TSHZ1: variants seen among roughly 807,000 people sequenced by gnomAD.
TSHZ1 encodes teashirt zinc finger homeobox 1, also known as teashirt homolog 1.
TSHZ1 carries 12 observed loss-of-function variants against 67.1 expected under a neutral mutation model. The ratio of observed to expected loss-of-function variants is 0.18; its 90% CI spans 0.11 to 0.29. The LOEUF (loss-of-function observed/expected upper bound fraction) is 0.29. Ranked by LOEUF, TSHZ1 falls within the 10% of genes least tolerant of loss-of-function variation. TSHZ1 has a pLI of 1.00. For synonymous variants in TSHZ1, 632 were observed against 622.4 expected (o/e 1.02, Z -0.23); for missense variants, 1,305 against 1,413.9 (o/e 0.92, Z 1.23).
chr18:75,270,474 T>C (rs2023543982), intron 1 of TSHZ1, among the ~76,000 whole-genome samples: 1 of 152,220 alleles, frequency 6.6e-6, no homozygotes, highest in Admixed American at 6.5e-5. Flanking sequence ...GAACAAATAA[T>C]TTTTTTCTCT....
intron 1 of TSHZ1, among the ~76,000 whole-genome samples, chr18:75,268,333 G>A (rs1025035902): frequency 6.6e-6 from 1 of 152,154 alleles, no homozygotes; most frequent in Non-Finnish European, 1.5e-5. Context: ...TAGGAGAGAG[G>A]AAATAATAAT....
At chr18:75,269,038 G>A (rs1313243175) in intron 1 of TSHZ1, among the ~76,000 whole-genome samples, 1 of 152,160 alleles carries the variant, frequency 6.6e-6, no homozygotes, top group Non-Finnish European at 1.5e-5. Flanking sequence ...TGCCACATGG[G>A]CTAGGTGGCC....
At chr18:75,228,262 C>A (rs1197352609) in intron 1 of TSHZ1, among the ~76,000 whole-genome samples, 2 of 152,216 alleles carry the variant, frequency 1.3e-5, no homozygotes, top group East Asian at 3.8e-4. Flanking sequence ...GAAGGCATTA[C>A]CAAGGGCAGT....
chr18:75,265,888 G>T (rs570052844), intron 1 of TSHZ1, among the ~76,000 whole-genome samples: 11 of 152,266 alleles, frequency 7.2e-5, no homozygotes, highest in South Asian at 6.2e-4. Context: ...ACTTTTCTAG[G>T]ATTGCTTAAC....
chr18:75,285,693 GAGA>G lies in TSHZ1; in HGVS notation c.289_291del (p.Lys97del). 1 of 1,614,124 alleles carries G rather than the reference GAGA, an allele frequency of 6.2e-7. No homozygotes were observed. The highest frequency in any genetic ancestry group is 8.5e-7 in the Non-Finnish European group (1 of 1,180,002). Reference sequence around the variant, plus strand: ...TTTCAAAGGCTCTTCCTCTCGAGAAGAGAAGGAGGATCCGCAGTGTCCCGACAG... The same window carrying G: ...TTTCAAAGGCTCTTCCTCTCGAGAAGAGGAGGATCCGCAGTGTCCCGACAG... On this transcript the variant is annotated inframe_deletion, in exon 2 of 2. Transcript: ENST00000580243.
intron 1 of TSHZ1, among the ~76,000 whole-genome samples, chr18:75,255,272 T>A (rs1312921859): frequency 6.6e-6 from 1 of 152,180 alleles, no homozygotes; most frequent in East Asian, 1.9e-4. Flanking sequence ...GTCTGCCTGT[T>A]CACCTCTAGT....
chr18:75,258,598 T>TA, intron 1 of TSHZ1, among the ~76,000 whole-genome samples: 1 of 152,226 alleles, frequency 6.6e-6, no homozygotes, highest in East Asian at 1.9e-4. Context: ...TCCATGGTGA[T>TA]ACAGTATATA....
chr18:75,215,786 G>A (rs2122510993), intron 1 of TSHZ1, among the ~76,000 whole-genome samples: 1 of 152,326 alleles, frequency 6.6e-6, no homozygotes, highest in East Asian at 1.9e-4. Flanking sequence ...TGGTGCCACT[G>A]TAATGGCCGC....
chr18:75,273,030 A>G (rs1230436901), intron 1 of TSHZ1, among the ~76,000 whole-genome samples: 2 of 152,110 alleles, frequency 1.3e-5, no homozygotes, highest in South Asian at 2.1e-4. Context: ...GGAGGAAGAG[A>G]TGGGGTACAG....
chr18:75,231,818 G>A (rs2023002777), intron 1 of TSHZ1, among the ~76,000 whole-genome samples: 1 of 152,096 alleles, frequency 6.6e-6, no homozygotes, highest in African/African-American at 2.4e-5. Context: ...GATGATAGGT[G>A]TGTTCCACTA....
At chr18:75,245,676 C>T (rs1329074054) in intron 1 of TSHZ1, among the ~76,000 whole-genome samples, 1 of 152,130 alleles carries the variant, frequency 6.6e-6, no homozygotes, top group Non-Finnish European at 1.5e-5. Flanking sequence ...GTAAAATTTG[C>T]TTAGTCAAAT....
At chr18:75,224,765 C>T (rs772906843) in intron 1 of TSHZ1, among the ~76,000 whole-genome samples, 144 of 152,026 alleles carry the variant, frequency 9.5e-4, no homozygotes, top group Admixed American at 1.5e-3. Context: ...GGGAGGGGTG[C>T]GGCGGGCATT....
chr18:75,229,507 G>T (rs1568354409), intron 1 of TSHZ1, among the ~76,000 whole-genome samples: 2 of 152,178 alleles, frequency 1.3e-5, no homozygotes, highest in African/African-American at 4.8e-5. Context: ...CTCCATAAGG[G>T]CAGGGCCATC....
chr18:75,237,294 G>A (rs1446109233), intron 1 of TSHZ1, among the ~76,000 whole-genome samples: 2 of 152,144 alleles, frequency 1.3e-5, no homozygotes, highest in Non-Finnish European at 2.9e-5. Flanking sequence ...GGCAGAGGTG[G>A]GTGGGTCACT....
intron 1 of TSHZ1, among the ~76,000 whole-genome samples, chr18:75,262,869 C>A (rs1316149675): frequency 2.6e-5 from 4 of 152,192 alleles, no homozygotes; most frequent in African/African-American, 7.2e-5. Flanking sequence ...GTGCTTCTGA[C>A]CTTCGAGGGG....
intron 1 of TSHZ1, among the ~76,000 whole-genome samples, chr18:75,250,554 C>T (rs1268619659): frequency 6.6e-6 from 1 of 152,218 alleles, no homozygotes; most frequent in Non-Finnish European, 1.5e-5. Context: ...CGTGCTGGGC[C>T]AGCCAGGCGG....
At chr18:75,237,490 C>G (rs62089811) in intron 1 of TSHZ1, among the ~76,000 whole-genome samples, 21,329 of 152,206 alleles carry the variant, frequency 0.14, 1,662 homozygotes, top group East Asian at 0.33. Context: ...CCACTGCACT[C>G]TAGCCTGGGC....
intron 1 of TSHZ1, 147 bp from the exon 2 acceptor site, chr18:75,285,301 A>G: frequency 3.2e-6 from 3 of 943,360 alleles, no homozygotes; most frequent in Non-Finnish European, 4.4e-6. Context: ...AACTCCTGCA[A>G]AGGGGTAGAT....
In TSHZ1 at chr18:75,281,826, G is replaced by A. The variant is rs1287595690; in HGVS notation, c.41-3622G>A. ...CATCTGGAAGGGGGGCATGCTAGGT[G>A]CGGGCAGGGAGAGCCCGAACCTGTG... On this transcript the variant is annotated intron_variant, in intron 1 of 1. Transcript: ENST00000580243. This position sits in a 1 kb window ranked among gnomAD's most constrained non-coding sequence, Gnocchi z 5.3. Among the ~76,000 whole-genome samples the A allele has an allele frequency of 6.6e-6, 1 of 152,116 alleles. No individual in the cohort carries two copies. Among genetic ancestry groups the A allele is most frequent in the Non-Finnish European group, 1.5e-5 (1 of 68,002 alleles).
Sources: allele counts gnomAD v4.1 joint callset (sites outside exome capture counted in the v4.1 genomes callset), GRCh38; gene constraint gnomAD v4.1.1; non-coding constraint Gnocchi (gnomAD v3.1); transcripts MANE v1.5; gene names NCBI Gene and HGNC (gene_info 2026-07-23, HGNC 2026-07-21).